The following AFF2 variants were observed in gnomAD, a reference collection of about 807,000 sequenced individuals.
AFF2 encodes the protein ALF transcription elongation factor 2, also known as AF4/FMR2 family member 2.
In AFF2, 14 loss-of-function variants were observed where a neutral mutation model predicts 76.9. The observed-to-expected ratio is 0.18, with a 90% CI of 0.12 to 0.28. AFF2 has a LOEUF of 0.28. Ranked by LOEUF, AFF2 falls within the 10% of genes least tolerant of loss-of-function variation. The pLI is 1.00. For missense variants in AFF2, 868 were observed against 1,001.1 expected, an observed-to-expected ratio of 0.87 and a Z score of 1.79; for synonymous variants, 398 against 366.7, an observed-to-expected ratio of 1.09 and a Z score of -0.98.
At chrX:148,648,592 A>G (rs183296399) in intron 1 of AFF2, among the ~76,000 whole-genome samples, 3 of 107,880 alleles carry the variant, frequency 2.8e-5, no homozygotes, top group East Asian at 5.8e-4. Flanking sequence ...AAAAGAAAAG[A>G]AAAAAAATCC....
chrX:148,614,725 C>CT (rs1182978699), intron 1 of AFF2, among the ~76,000 whole-genome samples: 714 of 68,140 alleles, frequency 0.01, 8 homozygotes, highest in Non-Finnish European at 0.014. Context: ...TTCTTTCTTT[C>CT]TTTCTTTCCT....
At chrX:148,779,617 C>G (rs1382308957) in intron 3 of AFF2, among the ~76,000 whole-genome samples, 1 of 111,437 alleles carries the variant, frequency 9.0e-6, no homozygotes, top group Non-Finnish European at 1.9e-5. Flanking sequence ...TCCTTCATCC[C>G]TTTATTTTGA....
intron 1 of AFF2, among the ~76,000 whole-genome samples, chrX:148,636,559 C>T (rs1168649229): frequency 8.9e-6 from 1 of 112,135 alleles, no homozygotes; most frequent in Non-Finnish European, 1.9e-5. Context: ...TGGTGAGTTG[C>T]TGTGATAGAA....
intron 1 of AFF2, among the ~76,000 whole-genome samples, chrX:148,517,290 C>T (rs1366252623): frequency 8.9e-6 from 1 of 112,031 alleles, no homozygotes; most frequent in Non-Finnish European, 1.9e-5. Flanking sequence ...CCTACCCAGC[C>T]TTCTCTTCAG....
intron 3 of AFF2, among the ~76,000 whole-genome samples, chrX:148,735,685 A>T (rs782664910): frequency 9.0e-6 from 1 of 110,527 alleles, no homozygotes; most frequent in East Asian, 2.9e-4. Context: ...AGTTTTTTAG[A>T]GGTGATTTGT....
At chrX:148,659,700 T>A (rs1452353820) in intron 2 of AFF2, among the ~76,000 whole-genome samples, 1 of 112,239 alleles carries the variant, frequency 8.9e-6, no homozygotes, top group Non-Finnish European at 1.9e-5. Context: ...CTCAGCACAA[T>A]GAAATTTCTT....
chrX:148,615,568 T>A (rs1160353348), intron 1 of AFF2, among the ~76,000 whole-genome samples: 1 of 111,049 alleles, frequency 9.0e-6, no homozygotes, highest in Non-Finnish European at 1.9e-5. Context: ...TGAAAGGAGA[T>A]AGATATATTT....
chrX:148,572,119 G>A (rs1413363080), intron 1 of AFF2, among the ~76,000 whole-genome samples: 2 of 108,628 alleles, frequency 1.8e-5, no homozygotes, highest in East Asian at 5.7e-4. Flanking sequence ...TTTATTCAAA[G>A]TAGATACACA....
chrX:148,996,474 C>G lies in AFF2; in HGVS notation c.*5142C>G, dbSNP rs1557293161. On this transcript the variant is annotated 3_prime_UTR_variant, in exon 21 of 21. Transcript: ENST00000370460. ...GATGCACGCAGTTGGCTCTTGCAAG[C>G]CTGGGCAAAAATGCTTCAACACGCC... 1.8e-5 allele frequency: 2 copies of G among 112,775 alleles called. No homozygotes were observed. 9.3% of individuals were successfully genotyped at this position (112,775 alleles called of 1,213,427 possible).
chrX:148,754,980 C>T (rs1187146307), intron 3 of AFF2, among the ~76,000 whole-genome samples: 2 of 112,145 alleles, frequency 1.8e-5, no homozygotes, highest in East Asian at 2.8e-4. Flanking sequence ...AAGGCATCAA[C>T]ATGCTGATTG....
intron 1 of AFF2, among the ~76,000 whole-genome samples, chrX:148,586,517 A>G (rs1204648171): frequency 8.9e-6 from 1 of 111,763 alleles, no homozygotes; most frequent in Non-Finnish European, 1.9e-5. Flanking sequence ...TAGTAAACCT[A>G]TGGAAACACT....
intron 3 of AFF2, among the ~76,000 whole-genome samples, chrX:148,722,353 C>T (rs782438820): frequency 2.2e-4 from 25 of 111,381 alleles, no homozygotes; most frequent in African/African-American, 4.6e-4. Flanking sequence ...CACGTATCCA[C>T]GCCTTCTGAT....
intron 1 of AFF2, among the ~76,000 whole-genome samples, chrX:148,591,800 T>C (rs1337356037): frequency 1.8e-5 from 2 of 112,347 alleles, no homozygotes; most frequent in Admixed American, 1.9e-4. Flanking sequence ...TTAAAAAACA[T>C]CTTTTCTTTT....
At chrX:148,881,137 G>C (rs2071090894) in intron 7 of AFF2, among the ~76,000 whole-genome samples, 1 of 111,830 alleles carries the variant, frequency 8.9e-6, no homozygotes, top group African/African-American at 3.2e-5. Flanking sequence ...AAGTGCTGCT[G>C]TCTGCCAAGA....
At chrX:148,871,323 G>C (rs1557277328) in intron 7 of AFF2, among the ~76,000 whole-genome samples, 1 of 111,071 alleles carries the variant, frequency 9.0e-6, no homozygotes, top group Middle Eastern at 4.3e-3. Flanking sequence ...CTCGTGTCAT[G>C]GTTTGGAAAA....
At chrX:148,638,200 A>AT (rs1422528872) in intron 1 of AFF2, among the ~76,000 whole-genome samples, 1 of 111,914 alleles carries the variant, frequency 8.9e-6, no homozygotes, top group East Asian at 2.8e-4. Context: ...ATTTCAGTCC[A>AT]TTTTCACACT....
At chrX:148,827,237 T>C in intron 4 of AFF2, among the ~76,000 whole-genome samples, 1 of 111,708 alleles carries the variant, frequency 9.0e-6, no homozygotes, top group Non-Finnish European at 1.9e-5. Context: ...AACTGGAGGC[T>C]TCTTTCCACG....
chrX:148,626,778 A>T (rs1603262443), intron 1 of AFF2, among the ~76,000 whole-genome samples: 2 of 111,433 alleles, frequency 1.8e-5, no homozygotes, highest in South Asian at 7.6e-4. Flanking sequence ...GCACAAGTCA[A>T]TGGATTTAGG....
intron 2 of AFF2, among the ~76,000 whole-genome samples, chrX:148,657,351 G>T (rs2054263661): frequency 9.0e-6 from 1 of 111,475 alleles, no homozygotes; most frequent in Non-Finnish European, 1.9e-5. Flanking sequence ...AAAAATACTA[G>T]AATTAGAAAA....
Sources: allele counts gnomAD v4.1 joint callset (sites outside exome capture counted in the v4.1 genomes callset), GRCh38; gene constraint gnomAD v4.1.1; transcripts MANE v1.5; gene names NCBI Gene and HGNC (gene_info 2026-07-23, HGNC 2026-07-21).